Variants in CNOT6 observed in about 807,000 individuals in gnomAD.
CNOT6 encodes CCR4-NOT transcription complex subunit 6.
CNOT6 carries 12 observed loss-of-function variants against 61.2 expected under a neutral mutation model. The ratio of observed to expected loss-of-function variants is 0.20; its 90% CI spans 0.13 to 0.32. The LOEUF (loss-of-function observed/expected upper bound fraction) is 0.32, where lower values mean the gene tolerates loss of function less well. CNOT6 is among the 10% of genes least tolerant of loss of function. The pLI, the probability that CNOT6 is intolerant of heterozygous loss-of-function variation, is 1.00. For missense variants in CNOT6, 405 were observed against 663.9 expected (o/e 0.61, Z 4.28); for synonymous variants, 225 against 240.6 (o/e 0.94, Z 0.60).
At chr5:180,508,884 G>A (rs1057132320) in intron 1 of CNOT6, among the ~76,000 whole-genome samples, 89 of 151,146 alleles carry the variant, frequency 5.9e-4, no homozygotes, top group Non-Finnish European at 9.7e-4. Flanking sequence ...GTGCAGTGGC[G>A]TGATCCTGGC....
At chr5:180,563,777 C>A (rs1417722551) in intron 4 of CNOT6, among the ~76,000 whole-genome samples, 1 of 152,178 alleles carries the variant, frequency 6.6e-6, no homozygotes, top group African/African-American at 2.4e-5. Flanking sequence ...TGAAACCCTG[C>A]GCTGCACTGT....
intron 1 of CNOT6, among the ~76,000 whole-genome samples, chr5:180,515,796 CTT>C (rs1757609776): frequency 6.6e-6 from 1 of 151,980 alleles, no homozygotes; most frequent in African/African-American, 2.4e-5. Flanking sequence ...CTCTGTTGCT[CTT>C]TGTTTTCTCC....
chr5:180,519,993 C>T (rs1387724421), intron 1 of CNOT6, among the ~76,000 whole-genome samples: 1 of 152,024 alleles, frequency 6.6e-6, no homozygotes, highest in Non-Finnish European at 1.5e-5. Context: ...GCCACCACAT[C>T]CAGCTAATTT....
At chr5:180,541,270 C>T (rs1175040533) in intron 2 of CNOT6, among the ~76,000 whole-genome samples, 3 of 151,534 alleles carry the variant, frequency 2.0e-5, no homozygotes, top group Non-Finnish European at 4.4e-5. Flanking sequence ...TCCTGAGTAG[C>T]TGGGATTACA....
At chr5:180,495,801 T>A (rs1756585790) in intron 1 of CNOT6, 1 of 152,258 alleles carries the variant, frequency 6.6e-6, no homozygotes, top group African/African-American at 2.4e-5. Context: ...TAGAATTTAC[T>A]ACTCTAGAAC....
At chr5:180,500,202 C>A (rs1211446228) in intron 1 of CNOT6, among the ~76,000 whole-genome samples, 1 of 151,696 alleles carries the variant, frequency 6.6e-6, no homozygotes, top group Non-Finnish European at 1.5e-5. Flanking sequence ...TGACTTGCTG[C>A]AGCCTTGACC....
At chr5:180,572,205 C>G (rs1443186321) in intron 11 of CNOT6, among the ~76,000 whole-genome samples, 2 of 151,874 alleles carry the variant, frequency 1.3e-5, no homozygotes. Flanking sequence ...TTTTTTCTCC[C>G]CCTAGAGACA....
intron 3 of CNOT6, among the ~76,000 whole-genome samples, chr5:180,552,440 GA>G: frequency 6.6e-6 from 1 of 151,612 alleles, no homozygotes; most frequent in Non-Finnish European, 1.5e-5. Context: ...TGGAGATCGA[GA>G]CCATCCTGGC....
rs1369832904 is a variant in CNOT6 at position 180,553,427 on chromosome 5, T to C, written c.341T>C (p.Phe114Ser). The change falls in exon 4 of 12, where the codon TTT (phenylalanine) becomes TCT (serine). Residue 114 changes from phenylalanine to serine, a missense_variant. By Grantham distance (155) the Phe-to-Ser change is radical. Transcript: ENST00000261951. ...LNNNLLRVLPFELGKLFQLQT... is the reference protein window; with the variant it reads ...LNNNLLRVLPSELGKLFQLQT... ...AACAACCTGTTACGAGTTCTACCTT[T>C]TGAGCTGGGAAAACTGTTTCAGTTG... is the stretch of plus-strand genomic sequence containing the variant. 6.2e-7 allele frequency: 1 copy of C among 1,614,062 alleles called. No homozygotes were observed. The highest frequency in any genetic ancestry group is 8.5e-7 in the Non-Finnish European group (1 of 1,179,958).
At chr5:180,517,794 G>T (rs1757710399) in intron 1 of CNOT6, among the ~76,000 whole-genome samples, 1 of 151,952 alleles carries the variant, frequency 6.6e-6, no homozygotes, top group Admixed American at 6.5e-5. Flanking sequence ...CGCCCGCCTC[G>T]GCCTCCCAGA....
intron 1 of CNOT6, among the ~76,000 whole-genome samples, chr5:180,503,633 T>C (rs1428462828): frequency 8.3e-6 from 1 of 120,734 alleles, no homozygotes; most frequent in Non-Finnish European, 1.6e-5. Context: ...TTTGAGAGAG[T>C]CTCAATCTGT....
In CNOT6 at chr5:180,565,983, TCA is replaced by T; in HGVS notation, c.717+7_717+8del. 6.2e-7 allele frequency: 1 copy of T among 1,609,394 alleles called. No homozygotes were observed. Among genetic ancestry groups the T allele is most frequent in the Admixed American group, 1.7e-5 (1 of 59,418 alleles). ...CTGATATCGTAAGTCTTCAGGTAAG[TCA>T]GACAGAAGACAGTCAACCTAGCATT... is the stretch of plus-strand genomic sequence containing the variant. On this transcript the variant is annotated splice_region_variant and intron_variant, in intron 7 of 11. Transcript: ENST00000261951.
intron 1 of CNOT6, among the ~76,000 whole-genome samples, chr5:180,525,366 A>G (rs548082180): frequency 5.3e-5 from 8 of 152,014 alleles, no homozygotes; most frequent in Admixed American, 1.3e-4. Flanking sequence ...GCGAAAACCA[A>G]TCTCTACAAA....
chr5:180,499,731 G>C (rs1756778278), intron 1 of CNOT6, among the ~76,000 whole-genome samples: 1 of 152,178 alleles, frequency 6.6e-6, no homozygotes, highest in Non-Finnish European at 1.5e-5. Flanking sequence ...TATAGATACT[G>C]TAATAAATGT....
intron 4 of CNOT6, among the ~76,000 whole-genome samples, chr5:180,555,074 T>C (rs964693899): frequency 2.0e-5 from 3 of 151,778 alleles, no homozygotes; most frequent in African/African-American, 7.3e-5. Flanking sequence ...CATCATGATA[T>C]CGGCTCACTG....
At chr5:180,549,395 AC>A (rs947531358) in intron 2 of CNOT6, among the ~76,000 whole-genome samples, 9 of 152,156 alleles carry the variant, frequency 5.9e-5, no homozygotes, top group Non-Finnish European at 1.2e-4. Flanking sequence ...CATGCCTGTA[AC>A]CCCAGCACTT....
At chr5:180,498,795 T>C (rs1297879598) in intron 1 of CNOT6, among the ~76,000 whole-genome samples, 1 of 152,184 alleles carries the variant, frequency 6.6e-6, no homozygotes, top group African/African-American at 2.4e-5. Context: ...GTTAGTGACT[T>C]TGAATCTGTT....
At chr5:180,533,837 T>C (rs895740092) in intron 2 of CNOT6, among the ~76,000 whole-genome samples, 3 of 152,170 alleles carry the variant, frequency 2.0e-5, no homozygotes, top group African/African-American at 7.2e-5. Context: ...GAACCACCAC[T>C]CACACCAAGG....
chr5:180,530,239 A>G (rs1014938152), intron 2 of CNOT6, among the ~76,000 whole-genome samples: 1 of 152,216 alleles, frequency 6.6e-6, no homozygotes, highest in Non-Finnish European at 1.5e-5. Context: ...CATACTGAGC[A>G]TATGCTGTGT....
Sources: gnomAD v4.1 joint callset for allele counts (sites outside exome capture counted in the v4.1 genomes callset) on GRCh38, gnomAD v4.1.1 for gene constraint, MANE v1.5 for transcripts, NCBI Gene and HGNC (gene_info 2026-07-23, HGNC 2026-07-21) for gene names.